Variants in TMEM171 observed in about 807,000 individuals in gnomAD.
TMEM171 encodes proline-rich protein PRP2.
TMEM171 carries 16 observed loss-of-function variants against 19.1 expected under a neutral mutation model. That is an observed-to-expected ratio of 0.84 (90% CI 0.57 to 1.27). The LOEUF is 1.27. Among genes scored for constraint, TMEM171 ranks in the 50% most tolerant of loss-of-function variants. The probability of loss-of-function intolerance (pLI) is 0.00; values close to 1 mark genes in which losing one functional copy is unlikely to be tolerated. For missense variants in TMEM171, 429 were observed against 412.7 expected, an observed-to-expected ratio of 1.04 and a Z score of -0.34; for synonymous variants, 153 against 163.4, an observed-to-expected ratio of 0.94 and a Z score of 0.48.
Position 73,120,610 on chromosome 5 carries a change from G to A in TMEM171, c.-155G>A, listed in dbSNP as rs1743975513. 6 of 984,820 alleles carry A rather than the reference G, an allele frequency of 6.1e-6. No homozygotes were observed. The highest frequency in any genetic ancestry group is 7.2e-6 in the Non-Finnish European group (6 of 829,836). 61.0% of individuals were successfully genotyped at this position (984,820 alleles called of 1,614,324 possible). A position where few individuals can be genotyped will look rare whatever the true frequency, so the allele number is the denominator to read the frequency against. On this transcript the variant is annotated 5_prime_UTR_variant, in exon 1 of 4. Transcript: ENST00000454765. ...GTGGGTAGGGTGCAGGGCGGCCGGC[G>A]CAGCCGAGGCCGCGTGCGGAGGCGG...
At chr5:73,128,354 C>G in intron 2 of TMEM171, 36 bp from the exon 3 acceptor site, 1 of 1,596,206 alleles carries the variant, frequency 6.3e-7, no homozygotes, top group Middle Eastern at 1.7e-4. Context: ...CCATTTATTA[C>G]CCACCTGTTG....
At chr5:73,121,252 A>T (rs1744000525) in intron 1 of TMEM171, among the ~76,000 whole-genome samples, 1 of 152,244 alleles carries the variant, frequency 6.6e-6, no homozygotes, top group Non-Finnish European at 1.5e-5. Context: ...GCCTTAAGAC[A>T]GTTGAAGCCT....
At chr5:73,127,382 A>ATATATATATATATATATAT (rs879892153) in intron 2 of TMEM171, among the ~76,000 whole-genome samples, 61 of 68,236 alleles carry the variant, frequency 8.9e-4, no homozygotes, top group African/African-American at 4.1e-3. Flanking sequence ...AAAAAAAAAA[A>ATATATATATATATATATAT]AAATATATAT....
chr5:73,127,439 C>T (rs555341497), intron 2 of TMEM171, among the ~76,000 whole-genome samples: 65 of 131,774 alleles, frequency 4.9e-4, no homozygotes, highest in African/African-American at 1.7e-3. Context: ...CTTTTTGTTT[C>T]GTTTTGTTTT....
intron 3 of TMEM171, among the ~76,000 whole-genome samples, chr5:73,129,354 AGTT>A (rs1477119711): frequency 1.4e-4 from 22 of 152,286 alleles, no homozygotes; most frequent in African/African-American, 5.3e-4. Context: ...GAAGTTACAA[AGTT>A]GTTGTCCTAT....
chr5:73,120,823 C>T, intron 1 of TMEM171, 127 bp downstream of exon 1: 2 of 839,372 alleles, frequency 2.4e-6, no homozygotes, highest in Non-Finnish European at 2.9e-6. Flanking sequence ...AACCTGCGTC[C>T]CTGCGAGCCC....
chr5:73,124,883 T>C (rs1744121646), intron 2 of TMEM171, among the ~76,000 whole-genome samples: 1 of 152,212 alleles, frequency 6.6e-6, no homozygotes, highest in Non-Finnish European at 1.5e-5. Context: ...AGATCACTTT[T>C]TTTCAGTCTC....
chr5:73,128,547 T>C lies in TMEM171; in HGVS notation c.782+16T>C. ...TCAACTATGGGTAAGAATTTCAATT[T>C]GAACTTCAAGAGAGGCCTGAATTCA... is the stretch of plus-strand genomic sequence containing the variant. On this transcript the variant is annotated intron_variant, in intron 3 of 3. Coordinates refer to ENST00000454765, the MANE Select transcript of TMEM171 (RefSeq NM_173490.8). 1.9e-6 allele frequency: 3 copies of C among 1,613,594 alleles called. No homozygotes were observed. The highest frequency in any genetic ancestry group is 2.5e-6 in the Non-Finnish European group (3 of 1,179,568).
At chr5:73,124,039 G>A in intron 2 of TMEM171, 26 bp downstream of exon 2, 1 of 1,508,872 alleles carries the variant, frequency 6.6e-7, no homozygotes, top group Non-Finnish European at 8.9e-7. Context: ...TTGCGTTCTT[G>A]CTTCTATCAC....
At chr5:73,128,688 A>AC (rs11446541) in intron 3 of TMEM171, among the ~76,000 whole-genome samples, 157 bp downstream of exon 3, 146,865 of 152,294 alleles carry the variant, frequency 0.96, 70,885 homozygotes, top group East Asian at 1. Context: ...CTTTGCCGAA[A>AC]TTTGGGCAGC....
chr5:73,128,626 T>C, intron 3 of TMEM171, 95 bp downstream of exon 3: 5 of 1,484,426 alleles, frequency 3.4e-6, no homozygotes, highest in Non-Finnish European at 4.6e-6. Flanking sequence ...CAAGTGTGAG[T>C]ATCTTTTTTG....
At position 73,123,386 on chromosome 5, in the gene TMEM171, G is replaced by C. The variant is rs1321680208; in HGVS notation, c.13G>C (p.Ala5Pro). MSPA[A>P]AAEPDGDQQD... Reference sequence around the variant, plus strand: ...GCCTCTCCTGGACATGTCTCCTGCAGCTGCTGCTGAGCCAGATGGGGACCA... The same window carrying C: ...GCCTCTCCTGGACATGTCTCCTGCACCTGCTGCTGAGCCAGATGGGGACCA... Residue 5 changes from alanine to proline, a missense_variant, in exon 2 of 4, where the codon GCT becomes CCT. Transcript: ENST00000454765. The C allele has an allele frequency of 6.2e-7, 1 of 1,612,594 alleles. No individual in the cohort carries two copies. The highest frequency in any genetic ancestry group is 1.7e-5 in the Admixed American group (1 of 60,006).
chr5:73,122,283 G>A (rs1440553514), intron 1 of TMEM171, among the ~76,000 whole-genome samples: 2 of 152,128 alleles, frequency 1.3e-5, no homozygotes, highest in African/African-American at 4.8e-5. Flanking sequence ...CAGCCTTTGG[G>A]TACCTGTCCA....
Position 73,123,896 on chromosome 5 carries a change from T to C in TMEM171, c.523T>C (p.Leu175=). 1 of 1,614,060 alleles carries C rather than the reference T, an allele frequency of 6.2e-7. No homozygotes were observed. The change falls in exon 2 of 4, where the codon TTG becomes CTG. Residue 175 remains leucine (L), a synonymous_variant. Transcript: ENST00000454765. ...GGGGCCCTTGATTGTGCTTGTGGGATTGTGTTTCTTCGTGGTTGCCCATGT... is the reference window on the plus strand; with the variant it reads ...GGGGCCCTTGATTGTGCTTGTGGGACTGTGTTTCTTCGTGGTTGCCCATGT... ...IMGPLIVLVG[L]CFFVVAHVKK...
At position 73,123,811 on chromosome 5, in the gene TMEM171, C is replaced by T. The variant is rs772806692; in HGVS notation, c.438C>T (p.Asn146=). ...CGSNWAQEPL[N]ETDTGDSEPR... The stretch of plus-strand genomic sequence containing the variant: ...CCAACTGGGCGCAGGAACCGCTAAA[C>T]GAGACAGACACTGGCGACTCAGAGC... The change falls in exon 2 of 4, where the codon AAC becomes AAT. Residue 146 remains asparagine, a synonymous_variant. Transcript: ENST00000454765. The T allele has an allele frequency of 6.8e-6, 11 of 1,612,544 alleles. 1 individual carries two copies. The highest frequency in any genetic ancestry group is 5.5e-5 in the South Asian group (5 of 90,858).
In TMEM171 at chr5:73,120,673, G is replaced by C. The variant is rs543565342; in HGVS notation, c.-92G>C. 415 of 984,368 alleles carry C rather than the reference G, an allele frequency of 4.2e-4. 1 individual carries two copies. Among genetic ancestry groups the C allele is most frequent in the Admixed American group, 2.4e-3 (38 of 16,158 alleles). The allele number at this position is 984,368 out of a possible 1,614,324, so 61.0% of individuals were successfully genotyped here. On this transcript the variant is annotated 5_prime_UTR_variant, in exon 1 of 4. Transcript: ENST00000454765. ...GCCAGTGCCCACAGCAGCGCGGTCA[G>C]CCAGGCGCCGGACCCAGCTTCAGGT...
In TMEM171 at chr5:73,128,457, C is replaced by T. The variant is rs75514270; in HGVS notation, c.708C>T (p.Val236=). 221 of 1,614,160 alleles carry T rather than the reference C, an allele frequency of 1.4e-4. No homozygotes were observed. The African/African-American group carries it at 2.3e-3, about 17-fold the overall frequency. ...TTCCTGAATCTTCAGCTTCTGCGGT[C>T]GCTGAGAGTCCTGGAACTAACAGTC... The part of the protein sequence containing the change: ...PYFPESSASA[V]AESPGTNSLL... The change falls in exon 3 of 4, where the codon GTC becomes GTT. Residue 236 remains valine, a synonymous_variant. Transcript: ENST00000454765.
At chr5:73,124,126 A>C in intron 2 of TMEM171, 113 bp downstream of exon 2, 1 of 963,870 alleles carries the variant, frequency 1.0e-6, no homozygotes, top group Non-Finnish European at 1.5e-6. Flanking sequence ...TCCATCTCTC[A>C]CACATGTGTG....
At chr5:73,127,021 A>G (rs905286735) in intron 2 of TMEM171, among the ~76,000 whole-genome samples, 2 of 152,188 alleles carry the variant, frequency 1.3e-5, no homozygotes, top group African/African-American at 2.4e-5. Context: ...ACAGAAATGC[A>G]AAAACCAAAC....
Sources: gnomAD v4.1 joint callset for allele counts (sites outside exome capture counted in the v4.1 genomes callset) on GRCh38, gnomAD v4.1.1 for gene constraint, MANE v1.5 for transcripts, NCBI Gene and HGNC (gene_info 2026-07-23, HGNC 2026-07-21) for gene names.